Variants in PDE10A observed in about 807,000 individuals in gnomAD.
The protein encoded by PDE10A is phosphodiesterase 10A, also known as cAMP and cAMP-inhibited cGMP 3',5'-cyclic phosphodiesterase 10A.
Under a neutral mutation model 97.7 loss-of-function variants are expected in PDE10A, and 39 were observed. The observed-to-expected ratio is 0.40, with a 90% CI of 0.31 to 0.52. The LOEUF (loss-of-function observed/expected upper bound fraction) is 0.52, where lower values mean the gene tolerates loss of function less well. Ranked by LOEUF, PDE10A falls within the 20% of genes least tolerant of loss-of-function variation. PDE10A has a pLI of 0.56. For missense variants in PDE10A, 731 were observed against 1,047.8 expected (o/e 0.70, Z 4.17); for synonymous variants, 371 against 376.8 (o/e 0.98, Z 0.18).
At chr6:165,977,200 AAAG>A (rs1784874570) in intron 1 of PDE10A, among the ~76,000 whole-genome samples, 1 of 152,232 alleles carries the variant, frequency 6.6e-6, no homozygotes, top group Non-Finnish European at 1.5e-5. Context: ...GCAGAAAAAT[AAAG>A]AAGGTTGGAA....
chr6:165,542,878 A>C (rs1481751570), intron 2 of PDE10A, among the ~76,000 whole-genome samples: 1 of 152,018 alleles, frequency 6.6e-6, no homozygotes, highest in Non-Finnish European at 1.5e-5. Flanking sequence ...TCAGCCTCCC[A>C]AAGTGCTGGG....
At chr6:165,619,871 T>G (rs1009503573) in intron 1 of PDE10A, among the ~76,000 whole-genome samples, 1 of 152,168 alleles carries the variant, frequency 6.6e-6, no homozygotes, top group African/African-American at 2.4e-5. Flanking sequence ...CTGCTTCCAC[T>G]TGCTGCCATT....
intron 2 of PDE10A, among the ~76,000 whole-genome samples, chr6:165,529,100 G>A (rs1386576822): frequency 2.6e-5 from 4 of 152,100 alleles, no homozygotes; most frequent in Non-Finnish European, 5.9e-5. Context: ...CTGCCACCAG[G>A]ACTCACAACA....
intron 1 of PDE10A, among the ~76,000 whole-genome samples, chr6:165,580,045 T>G (rs935170732): frequency 2.6e-5 from 4 of 152,200 alleles, no homozygotes; most frequent in African/African-American, 9.6e-5. Context: ...CCTACATAAT[T>G]TACTTTTATT....
chr6:165,606,153 GAAAAAA>G (rs71029555), intron 1 of PDE10A, among the ~76,000 whole-genome samples: 1 of 113,278 alleles, frequency 8.8e-6, no homozygotes, highest in Non-Finnish European at 1.7e-5. Flanking sequence ...ACGAACAAGC[GAAAAAA>G]AAAAAAAAAA....
At chr6:165,723,956 C>T (rs766212403) in intron 1 of PDE10A, among the ~76,000 whole-genome samples, 7 of 151,910 alleles carry the variant, frequency 4.6e-5, no homozygotes, top group East Asian at 1.9e-4. Context: ...CTGAGAAGTG[C>T]GCGTCACAGG....
chr6:165,543,300 T>A, intron 2 of PDE10A, 140 bp downstream of exon 2: 1 of 532,214 alleles, frequency 1.9e-6, no homozygotes, highest in Non-Finnish European at 3.0e-6. Flanking sequence ...TTTATCTTTT[T>A]AAATGGAATA....
At chr6:165,839,430 T>A (rs73255991) in intron 1 of PDE10A, among the ~76,000 whole-genome samples, 4,367 of 152,318 alleles carry the variant, frequency 0.029, 220 homozygotes, top group African/African-American at 0.1. Flanking sequence ...TACATTAAAA[T>A]GTAAATTAGA....
At position 165,416,170 on chromosome 6, in the gene PDE10A, G is replaced by A. The variant is rs773521929; in HGVS notation, c.1889+19C>T. 8 of 1,474,022 alleles carry A rather than the reference G, an allele frequency of 5.4e-6. No homozygotes were observed. The highest frequency in any genetic ancestry group is 2.3e-5 in the South Asian group (2 of 88,302). The allele number at this position is 1,474,022 out of a possible 1,614,324, so 91.3% of individuals were successfully genotyped here. A position where few individuals can be genotyped will look rare whatever the true frequency, so the allele number is the denominator to read the frequency against. On this transcript the variant is annotated intron_variant, in intron 12 of 21. Coordinates refer to ENST00000539869, the MANE Select transcript of PDE10A (RefSeq NM_001385079.1). Reference sequence around the variant, plus strand: ...TCACAGAAGAAATCAATGGAGTGTCGACATCAGCTATTTCTTACCTGTTAA... The same window carrying A: ...TCACAGAAGAAATCAATGGAGTGTCAACATCAGCTATTTCTTACCTGTTAA...
chr6:165,797,886 T>C (rs1160897311), intron 1 of PDE10A, among the ~76,000 whole-genome samples: 1 of 151,572 alleles, frequency 6.6e-6, no homozygotes, highest in Non-Finnish European at 1.5e-5. Flanking sequence ...TCATTATGAG[T>C]TTTTTTGTTG....
In PDE10A at chr6:165,369,203, C is replaced by A. The variant is rs1006530707; in HGVS notation, c.2783+9991G>T. On this transcript the variant is annotated intron_variant, in intron 18 of 21. Coordinates refer to ENST00000539869, the MANE Select transcript of PDE10A (RefSeq NM_001385079.1). ...TCCTCCAAAGGAACACAGTTCCTCACCAGCAACGGAACAAAGCTGGATGGA... is the reference window on the plus strand; with the variant it reads ...TCCTCCAAAGGAACACAGTTCCTCAACAGCAACGGAACAAAGCTGGATGGA... Among the ~76,000 whole-genome samples the A allele has an allele frequency of 1.5e-3, 221 of 152,252 alleles. 1 individual carries two copies. Among genetic ancestry groups the A allele is most frequent in the African/African-American group, 5.0e-3 (209 of 41,534 alleles).
intron 1 of PDE10A, among the ~76,000 whole-genome samples, chr6:165,725,346 ACC>A (rs1160749204): frequency 1.3e-5 from 2 of 152,168 alleles, no homozygotes; most frequent in Non-Finnish European, 2.9e-5. Context: ...TGTAACACAC[ACC>A]CACTAGGGCT....
At chr6:165,484,475 G>C (rs911083173) in intron 2 of PDE10A, among the ~76,000 whole-genome samples, 4 of 152,210 alleles carry the variant, frequency 2.6e-5, no homozygotes, top group African/African-American at 9.6e-5. Context: ...ACCCTACTGC[G>C]AACTGCACTT....
At chr6:165,525,127 C>T (rs188197755) in intron 2 of PDE10A, among the ~76,000 whole-genome samples, 5 of 152,206 alleles carry the variant, frequency 3.3e-5, no homozygotes, top group East Asian at 3.9e-4. Flanking sequence ...TCTGAAGTCC[C>T]GGCGAGCCCC....
chr6:165,569,747 G>A (rs772065113), intron 1 of PDE10A, among the ~76,000 whole-genome samples: 22 of 152,234 alleles, frequency 1.4e-4, no homozygotes, highest in African/African-American at 4.8e-4. Flanking sequence ...CTCTCATTCC[G>A]GTTTACTGTT....
At chr6:165,465,065 C>G (rs1471319504) in intron 3 of PDE10A, among the ~76,000 whole-genome samples, 1 of 152,278 alleles carries the variant, frequency 6.6e-6, no homozygotes, top group South Asian at 2.1e-4. Context: ...GTATGTTTAA[C>G]TTTACAAGAA....
intron 1 of PDE10A, among the ~76,000 whole-genome samples, chr6:165,730,062 T>G (rs1258108146): frequency 6.6e-6 from 1 of 152,220 alleles, no homozygotes; most frequent in East Asian, 1.9e-4. Flanking sequence ...TGAATACATA[T>G]GTGTATCTAT....
chr6:165,868,883 G>T (rs1423203407), intron 1 of PDE10A, among the ~76,000 whole-genome samples: 1 of 151,552 alleles, frequency 6.6e-6, no homozygotes. Context: ...ATCAATAAAT[G>T]AGAGACATCA....
chr6:165,418,915 T>C lies in PDE10A; in HGVS notation c.1654-138A>G, dbSNP rs1237184320. On this transcript the variant is annotated intron_variant, in intron 10 of 21. Coordinates refer to ENST00000539869, the MANE Select transcript of PDE10A (RefSeq NM_001385079.1). This position sits in a 1 kb window ranked among gnomAD's most constrained non-coding sequence, Gnocchi z 4.8. ...GGTATTAGCATTATAAGTAAATAAA[T>C]ATACAAGTATATAAATATTTCATAT... The C allele has an allele frequency of 4.7e-6, 3 of 633,480 alleles. No homozygotes were observed. The highest frequency in any genetic ancestry group is 8.1e-6 in the Non-Finnish European group (3 of 368,500). The allele number at this position is 633,480 out of a possible 1,614,324, so 39.2% of individuals were successfully genotyped here.
Sources: allele counts gnomAD v4.1 joint callset (sites outside exome capture counted in the v4.1 genomes callset), GRCh38; gene constraint gnomAD v4.1.1; non-coding constraint Gnocchi (gnomAD v3.1); transcripts MANE v1.5; gene names NCBI Gene and HGNC (gene_info 2026-07-23, HGNC 2026-07-21).